The following RADIL variants were observed in gnomAD, a reference collection of about 807,000 sequenced individuals.
RADIL encodes the protein Rap associating with DIL domain.
Under a neutral mutation model 97.6 loss-of-function variants are expected in RADIL, and 99 were observed. That is an observed-to-expected ratio of 1.01 (90% CI 0.86 to 1.20). RADIL has a LOEUF of 1.20. Among genes scored for constraint, RADIL ranks in the 50% most tolerant of loss-of-function variants. The probability of loss-of-function intolerance (pLI) is 0.00; values close to 1 mark genes in which losing one functional copy is unlikely to be tolerated. For synonymous variants in RADIL, 803 were observed against 691.8 expected (o/e 1.16, Z -2.52); for missense variants, 1,765 against 1,498.9 (o/e 1.18, Z -2.93).
chr7:4,807,726 C>A (rs1293908202), intron 9 of RADIL, among the ~76,000 whole-genome samples: 1 of 80,252 alleles, frequency 1.2e-5, no homozygotes, highest in Non-Finnish European at 2.6e-5. Context: ...TCCTTCTCCC[C>A]CTCCGTCTCT....
chr7:4,814,026 C>A lies in RADIL; in HGVS notation c.2139+1252G>T, dbSNP rs1039273911. Among the ~76,000 whole-genome samples the A allele has an allele frequency of 6.6e-6, 1 of 152,122 alleles. No homozygotes were observed. Among genetic ancestry groups the A allele is most frequent in the Admixed American group, 6.6e-5 (1 of 15,262 alleles). ...AACCAATGGCCTCAAGTGATCCTCC[C>A]ACCTCAGCCTCTCAAAGCACTGGGA... On this transcript the variant is annotated intron_variant, in intron 9 of 14. Coordinates refer to ENST00000399583, the MANE Select transcript of RADIL (RefSeq NM_018059.5). This position sits in a 1 kb window ranked among gnomAD's most constrained non-coding sequence, Gnocchi z 4.5.
rs1782038397 is a variant in RADIL at position 4,800,296 on chromosome 7, G to A, written c.2857C>T (p.Leu953Phe). The change falls in exon 13 of 15, where the codon CTT (leucine) becomes TTT (phenylalanine). Residue 953 changes from leucine to phenylalanine, a missense_variant. Transcript: ENST00000399583. ...GAAPEGDSAA[L>F]AEESPPAPSS... The stretch of plus-strand genomic sequence containing the variant: ...GGGGCTGGAGGGGACTCCTCCGCAA[G>A]GGCTGCAGAGTCTCCTGGGTGGGGG... 4.1e-6 allele frequency: 6 copies of A among 1,475,602 alleles called. No homozygotes were observed. Among genetic ancestry groups the A allele is most frequent in the East Asian group, 5.2e-5 (2 of 38,732 alleles). The allele number at this position is 1,475,602 out of a possible 1,614,324, so 91.4% of individuals were successfully genotyped here. A position where few individuals can be genotyped will look rare whatever the true frequency, so the allele number is the denominator to read the frequency against.
At chr7:4,800,650 C>T (rs1177779362) in intron 12 of RADIL, among the ~76,000 whole-genome samples, 1 of 152,156 alleles carries the variant, frequency 6.6e-6, no homozygotes, top group Non-Finnish European at 1.5e-5. Context: ...CCTCCTCCTC[C>T]CTCCACACCC....
rs986541161 is a variant in RADIL, at chr7:4,799,497, C to T, written c.3123-14G>A. The T allele has an allele frequency of 2.5e-6, 4 of 1,613,676 alleles. No homozygotes were observed. Among genetic ancestry groups the T allele is most frequent in the Admixed American group, 1.7e-5 (1 of 59,992 alleles). Reference sequence around the variant, plus strand: ...AGGTCCACAGCTCTGAAATCCATGCCAGAGGTGGGGGTGGGCAGGAGGGCA... The same window carrying T: ...AGGTCCACAGCTCTGAAATCCATGCTAGAGGTGGGGGTGGGCAGGAGGGCA... On this transcript the variant is annotated splice_polypyrimidine_tract_variant and intron_variant, in intron 14 of 14. Transcript: ENST00000399583.
At chr7:4,860,988 A>C (rs1369288529) in intron 2 of RADIL, 1 of 1,614,248 alleles carries the variant, frequency 6.2e-7, no homozygotes, top group Non-Finnish European at 8.5e-7. Flanking sequence ...GAAAATACCA[A>C]GAAGAATTTC....
intron 6 of RADIL, among the ~76,000 whole-genome samples, chr7:4,820,443 C>T (rs998742655): frequency 6.6e-6 from 1 of 152,238 alleles, no homozygotes; most frequent in African/African-American, 2.4e-5. Context: ...TAGGCCCAGG[C>T]CCCATGGACA....
In RADIL at chr7:4,816,362, C is replaced by T. The variant is rs777025509; in HGVS notation, c.1832G>A (p.Arg611His). The change falls in exon 8 of 15, where the codon CGC (arginine) becomes CAC (histidine). Residue 611 changes from arginine to histidine, a missense_variant. Physicochemically the swap from Arg to His is conservative, Grantham distance 29. Transcript: ENST00000399583. ...GGCTGCCTGGTACACAGACACCACGCGGCGCAGCTCCTCGGGCAGTTCGGG... is the reference window on the plus strand; with the variant it reads ...GGCTGCCTGGTACACAGACACCACGTGGCGCAGCTCCTCGGGCAGTTCGGG... ...SAPELPEELRRVVSVYQAALD... is the reference protein window; with the variant it reads ...SAPELPEELRHVVSVYQAALD... 1.7e-5 allele frequency: 27 copies of T among 1,611,138 alleles called. No individual in the cohort carries two copies. Among genetic ancestry groups the T allele is most frequent in the East Asian group, 4.5e-5 (2 of 44,834 alleles).
chr7:4,835,250 G>A lies in RADIL; in HGVS notation c.784-11C>T, dbSNP rs144832039. On this transcript the variant is annotated splice_polypyrimidine_tract_variant and intron_variant, in intron 3 of 14. Transcript: ENST00000399583. The surrounding 1 kb of genome is among the most constrained non-coding windows in gnomAD (Gnocchi z 5.8). ...ATACACCAGGCTGTCCTGAAACAGA[G>A]ACTCCGCTCAGGGCAGGCGTAACGC... 1.0e-5 allele frequency: 16 copies of A among 1,606,400 alleles called. No individual in the cohort carries two copies. Among genetic ancestry groups the A allele is most frequent in the Non-Finnish European group, 1.4e-5 (16 of 1,179,656 alleles).
At chr7:4,811,515 TCTCA>T (rs1782547662) in intron 9 of RADIL, among the ~76,000 whole-genome samples, 1 of 128,270 alleles carries the variant, frequency 7.8e-6, no homozygotes, top group South Asian at 2.7e-4. Flanking sequence ...TGAGATGGAG[TCTCA>T]CTCTGTCACC....
At position 4,816,407 on chromosome 7, in the gene RADIL, C is replaced by CGGCGCTCCGTCTGGAATGGCG; in HGVS notation, c.1766_1786dup (p.Pro589_Arg595dup). 6.2e-7 allele frequency: 1 copy of CGGCGCTCCGTCTGGAATGGCG among 1,608,970 alleles called. No homozygotes were observed. The highest frequency in any genetic ancestry group is 1.3e-5 in the African/African-American group (1 of 75,012). On this transcript the variant is annotated inframe_insertion, in exon 8 of 15. Coordinates refer to ENST00000399583, the MANE Select transcript of RADIL (RefSeq NM_018059.5). ...TTCGGGGGCCGAGGACCAGCTCTCA[C>CGGCGCTCCGTCTGGAATGGCG]GGCGCTCCGTCTGGAATGGCGGGCA...
Position 4,826,335 on chromosome 7 carries a change from G to A in RADIL, c.1455-3781C>T, listed in dbSNP as rs372803130. Among the ~76,000 whole-genome samples the A allele has an allele frequency of 3.4e-4, 51 of 152,138 alleles. No homozygotes were observed. In the East Asian group the frequency reaches 9.5e-3, roughly 28 times the overall value. On this transcript the variant is annotated intron_variant, in intron 5 of 14. Coordinates refer to ENST00000399583, the MANE Select transcript of RADIL (RefSeq NM_018059.5). The stretch of plus-strand genomic sequence containing the variant: ...AATGAAAGCCCGGAAGTGAGGATGG[G>A]GGTCGAAGCATCCTAAGATCTAGTG...
At position 4,878,677 on chromosome 7, in the gene RADIL, A is replaced by G. The variant is rs1283759644; in HGVS notation, c.-64-474T>C. Among the ~76,000 whole-genome samples the G allele has an allele frequency of 6.6e-6, 1 of 152,232 alleles. No homozygotes were observed. The highest frequency in any genetic ancestry group is 1.5e-5 in the Non-Finnish European group (1 of 68,034). Reference sequence around the variant, plus strand: ...ACTAAACGGGCTGGAGCGCCCTTCAAGGAAAGCCATTACTGGGAAACACAA... The same window carrying G: ...ACTAAACGGGCTGGAGCGCCCTTCAGGGAAAGCCATTACTGGGAAACACAA... On this transcript the variant is annotated intron_variant, in intron 1 of 14. Coordinates refer to ENST00000399583, the MANE Select transcript of RADIL (RefSeq NM_018059.5). This position sits in a 1 kb window ranked among gnomAD's most constrained non-coding sequence, Gnocchi z 4.1.
rs1413271917 is a variant in RADIL at position 4,799,741 on chromosome 7, T to C, written c.3011A>G (p.Tyr1004Cys). ...MHTHLGAPGL[Y>C]IQTLLPGSPA... ...GCTGCCCGGGAGCAGGGTCTGGATG[T>C]AGAGCCCGGGGGCGCCCAGGTGCGT... The change falls in exon 14 of 15, where the codon TAC becomes TGC. Residue 1004 changes from tyrosine to cysteine, a missense_variant. Transcript: ENST00000399583. 6.4e-7 allele frequency: 1 copy of C among 1,554,490 alleles called. No individual in the cohort carries two copies. The highest frequency in any genetic ancestry group is 2.4e-5 in the East Asian group (1 of 42,006).
At chr7:4,807,872 C>T (rs1295712305) in intron 9 of RADIL, among the ~76,000 whole-genome samples, 1 of 29,814 alleles carries the variant, frequency 3.4e-5, no homozygotes, top group Admixed American at 2.8e-4. Flanking sequence ...TCTCTCTCCC[C>T]CCCATCTCTC....
At chr7:4,859,990 T>C (rs777999128) in intron 2 of RADIL, 5 of 1,614,024 alleles carry the variant, frequency 3.1e-6, no homozygotes, top group Non-Finnish European at 4.2e-6. Flanking sequence ...CCATGGCCTT[T>C]GGTGATGGAG....
rs920807790 is a variant in RADIL, at chr7:4,877,980, C to T, written c.160G>A (p.Glu54Lys). 1.9e-6 allele frequency: 3 copies of T among 1,611,870 alleles called. No individual in the cohort carries two copies. The highest frequency in any genetic ancestry group is 1.6e-4 in the Middle Eastern group (1 of 6,062). Residue 54 changes from glutamate to lysine, a missense_variant, in exon 2 of 15, where the codon GAG becomes AAG. By Grantham distance (56) the Glu-to-Lys change is moderately conservative. Coordinates refer to ENST00000399583, the MANE Select transcript of RADIL (RefSeq NM_018059.5). Reference sequence around the variant, plus strand: ...GGGGCCGACAGCTGGGTGGAGAGCTCGGCGGGGTCATCGCTGGCGCCCAGG... The same window carrying T: ...GGGGCCGACAGCTGGGTGGAGAGCTTGGCGGGGTCATCGCTGGCGCCCAGG... ...SSLGASDDPA[E>K]LSTQLSAPGV...
At chr7:4,869,305 A>G (rs987870963) in intron 2 of RADIL, among the ~76,000 whole-genome samples, 2 of 152,016 alleles carry the variant, frequency 1.3e-5, no homozygotes, top group African/African-American at 4.8e-5. Context: ...GCTAATTTTC[A>G]TATTTTTCTG....
In RADIL at chr7:4,880,402, C is replaced by A. The variant is rs1216474904; in HGVS notation, c.-64-2199G>T. Among the ~76,000 whole-genome samples the A allele has an allele frequency of 6.6e-6, 1 of 152,218 alleles. No individual in the cohort carries two copies. Among genetic ancestry groups the A allele is most frequent in the African/African-American group, 2.4e-5 (1 of 41,448 alleles). On this transcript the variant is annotated intron_variant, in intron 1 of 14. Transcript: ENST00000399583. The surrounding 1 kb of genome is among the most constrained non-coding windows in gnomAD (Gnocchi z 4.5). Reference sequence around the variant, plus strand: ...AAACGTGCGGCCTGGCCTGTGCACACCACACCAGCGGCTTCCAATCGCCCT... The same window carrying A: ...AAACGTGCGGCCTGGCCTGTGCACAACACACCAGCGGCTTCCAATCGCCCT...
intron 9 of RADIL, among the ~76,000 whole-genome samples, chr7:4,807,571 TTC>T (rs1329551400): frequency 6.8e-5 from 4 of 59,248 alleles, no homozygotes; most frequent in East Asian, 5.9e-4. Flanking sequence ...CTCCCTCTCC[TTC>T]TCTCTCTCCC....
Sources: gnomAD v4.1 joint callset for allele counts (sites outside exome capture counted in the v4.1 genomes callset) on GRCh38, gnomAD v4.1.1 for gene constraint, Gnocchi (gnomAD v3.1) non-coding constraint, MANE v1.5 for transcripts, NCBI Gene and HGNC (gene_info 2026-07-23, HGNC 2026-07-21) for gene names.